Variants in PHC1 observed in about 807,000 individuals in gnomAD.
PHC1 encodes polyhomeotic homolog 1.
Under a neutral mutation model 104.3 loss-of-function variants are expected in PHC1, and 12 were observed. That is an observed-to-expected ratio of 0.12 (90% CI 0.07 to 0.19). The LOEUF (loss-of-function observed/expected upper bound fraction) is 0.19, where lower values mean the gene tolerates loss of function less well. Among genes scored for constraint, PHC1 ranks in the 10% least tolerant of loss-of-function variants. The pLI is 1.00. For missense variants in PHC1, 671 were observed against 1,200.0 expected, an observed-to-expected ratio of 0.56 and a Z score of 6.51; for synonymous variants, 302 against 455.8, an observed-to-expected ratio of 0.66 and a Z score of 4.30.
chr12:8,922,821 A>C, intron 6 of PHC1, 33 bp downstream of exon 6: 1 of 1,602,554 alleles, frequency 6.2e-7, no homozygotes, highest in East Asian at 2.2e-5. Context: ...GTGGGTGGGC[A>C]CTGGGCAGGA....
rs759046954 is a variant in PHC1, at chr12:8,937,234, C to A, written c.2536C>A (p.Gln846Lys). 1.9e-5 allele frequency: 30 copies of A among 1,613,310 alleles called. No individual in the cohort carries two copies. Among genetic ancestry groups the A allele is most frequent in the Non-Finnish European group, 1.7e-6 (2 of 1,179,560 alleles). The change falls in exon 13 of 15, where the codon CAA (glutamine) becomes AAA (lysine). Residue 846 changes from glutamine to lysine, a missense_variant. This residue lies in a region of PHC1 where 192 missense variants were observed against 280.5 expected (regional missense o/e 0.68). Coordinates refer to ENST00000544916, the MANE Select transcript of PHC1 (RefSeq NM_004426.3). ...GAAGAGGAAAAAAATGAAAGAGTTT[C>A]AAGAAGCCAACTATGCTCGCGTTCG... is the stretch of plus-strand genomic sequence containing the variant. The part of the protein sequence containing the change: ...RLKRKKMKEF[Q>K]EANYARVRRR...
intron 14 of PHC1, 55 bp from the exon 15 acceptor site, chr12:8,939,250 G>C: frequency 1.9e-6 from 3 of 1,603,796 alleles, no homozygotes; most frequent in Non-Finnish European, 2.6e-6. Context: ...GTTTCATTTA[G>C]CTTCCCTTCT....
intron 1 of PHC1, chr12:8,916,214 AG>A (rs982925582): frequency 6.9e-6 from 1 of 145,932 alleles, no homozygotes; most frequent in East Asian, 1.9e-4. Context: ...ATGAAACTAA[AG>A]ACTGGGGGGG....
intron 6 of PHC1, among the ~76,000 whole-genome samples, chr12:8,928,068 G>C (rs1180036540): frequency 6.6e-6 from 1 of 151,790 alleles, no homozygotes; most frequent in African/African-American, 2.4e-5. Context: ...ACTATGCCCA[G>C]CTAATGTTTT....
chr12:8,917,568 TAAC>T, intron 1 of PHC1, 59 bp from the exon 2 acceptor site: 1 of 506,542 alleles, frequency 2.0e-6, no homozygotes, highest in Non-Finnish European at 3.5e-6. Context: ...TTTTGAATAA[TAAC>T]ATGAGATAAC....
At chr12:8,927,093 C>A (rs1484380764) in intron 6 of PHC1, among the ~76,000 whole-genome samples, 1 of 152,074 alleles carries the variant, frequency 6.6e-6, no homozygotes, top group Non-Finnish European at 1.5e-5. Context: ...TGTAGTGTCA[C>A]GAAGGCAAGG....
At chr12:8,934,108 C>A (rs771367036) in intron 9 of PHC1, 96 bp downstream of exon 9, 2 of 1,446,696 alleles carry the variant, frequency 1.4e-6, no homozygotes, top group Admixed American at 1.8e-5. Flanking sequence ...AGAAAATGGG[C>A]CAGAAGTTGG....
At chr12:8,936,398 A>G (rs1476545231) in intron 11 of PHC1, among the ~76,000 whole-genome samples, 2 of 152,106 alleles carry the variant, frequency 1.3e-5, no homozygotes, top group African/African-American at 2.4e-5. Flanking sequence ...TTTTTTTTCC[A>G]AAAGATGATC....
chr12:8,929,271 T>C (rs1945613989), intron 6 of PHC1, among the ~76,000 whole-genome samples: 1 of 152,188 alleles, frequency 6.6e-6, no homozygotes, highest in African/African-American at 2.4e-5. Flanking sequence ...GCCGGAACTG[T>C]GAAGGTGCTA....
At position 8,937,991 on chromosome 12, in the gene PHC1, G is replaced by C. The variant is rs777957154; in HGVS notation, c.2791G>C (p.Val931Leu). The C allele has an allele frequency of 1.2e-5, 20 of 1,607,528 alleles. No homozygotes were observed. Among genetic ancestry groups the C allele is most frequent in the Non-Finnish European group, 1.6e-5 (19 of 1,174,714 alleles). Residue 931 changes from valine (V) to leucine (L), a missense_variant, in exon 14 of 15, where the codon GTG becomes CTG. By Grantham distance (32) the Val-to-Leu change is conservative. Coordinates refer to ENST00000544916, the MANE Select transcript of PHC1 (RefSeq NM_004426.3). ...ACCGGAATTACATGGCATCAACCCT[G>C]TGTTCCTGTCCAGTAATCCCAGCCG... is the stretch of plus-strand genomic sequence containing the variant. ...PTPELHGINPVFLSSNPSRWS... is the reference protein window; with the variant it reads ...PTPELHGINPLFLSSNPSRWS...
chr12:8,919,101 C>G lies in PHC1; in HGVS notation c.115-655C>G, dbSNP rs2137058774. ...TGAGATGGAGTTTCGCTCCTGTTGC[C>G]CAGGCTGCAGTGCAATGGCGCAATC... is the stretch of plus-strand genomic sequence containing the variant. On this transcript the variant is annotated intron_variant, in intron 2 of 14. Transcript: ENST00000544916. The surrounding 1 kb of genome is among the most constrained non-coding windows in gnomAD (Gnocchi z 4.9). 1.3e-5 allele frequency among the ~76,000 whole-genome samples: 2 copies of G among 152,242 alleles called. 1 individual carries two copies. The highest frequency in any genetic ancestry group is 4.1e-4 in the South Asian group (2 of 4,820).
intron 10 of PHC1, 98 bp downstream of exon 10, chr12:8,934,576 A>G: frequency 1.3e-6 from 1 of 766,088 alleles, no homozygotes; most frequent in Admixed American, 2.8e-5. Flanking sequence ...AGAACTATTT[A>G]ATGAAAGAAT....
upstream of PHC1, among the ~76,000 whole-genome samples, chr12:8,914,238 C>G (rs1945129034): frequency 6.6e-6 from 1 of 152,078 alleles, no homozygotes; most frequent in Non-Finnish European, 1.5e-5. Flanking sequence ...CCACTAGAGG[C>G]CAGCACTTTC....
intron 12 of PHC1, 26 bp downstream of exon 12, chr12:8,936,990 C>A: frequency 6.6e-7 from 1 of 1,509,186 alleles, no homozygotes; most frequent in Non-Finnish European, 9.2e-7. Flanking sequence ...TCCTCCTTGC[C>A]CTCAGCACTG....
intron 6 of PHC1, among the ~76,000 whole-genome samples, chr12:8,929,194 C>T (rs954657697): frequency 4.6e-5 from 7 of 152,180 alleles, no homozygotes; most frequent in Non-Finnish European, 2.9e-5. Flanking sequence ...GCTTTATTGG[C>T]TTCCTATAAT....
In PHC1 at chr12:8,919,434, A is replaced by C. The variant is rs1426587739; in HGVS notation, c.115-322A>C. 6.6e-6 allele frequency among the ~76,000 whole-genome samples: 1 copy of C among 152,214 alleles called. No individual in the cohort carries two copies. The highest frequency in any genetic ancestry group is 1.5e-5 in the Non-Finnish European group (1 of 68,028). On this transcript the variant is annotated intron_variant, in intron 2 of 14. Transcript: ENST00000544916. This position sits in a 1 kb window ranked among gnomAD's most constrained non-coding sequence, Gnocchi z 4.9. ...AGCAAGACCCCATCTCTAAAAATAA[A>C]AAAAATTAGCTGGACATGGTGGTGC...
intron 14 of PHC1, among the ~76,000 whole-genome samples, chr12:8,938,460 T>TA (rs397750138): frequency 6.6e-6 from 1 of 151,504 alleles, no homozygotes; most frequent in East Asian, 1.9e-4. Context: ...TTTTTTTTTT[T>TA]AAACAGAGAC....
At chr12:8,932,300 A>C (rs941866632) in intron 7 of PHC1, among the ~76,000 whole-genome samples, 9 of 152,230 alleles carry the variant, frequency 5.9e-5, no homozygotes, top group African/African-American at 1.9e-4. Flanking sequence ...AAGAGACACA[A>C]GAAATTACTC....
chr12:8,925,843 T>A (rs1469187121), intron 6 of PHC1, among the ~76,000 whole-genome samples: 1 of 152,224 alleles, frequency 6.6e-6, no homozygotes, highest in Non-Finnish European at 1.5e-5. Flanking sequence ...AAATACCATG[T>A]TGATTTCCTC....
Sources: allele counts gnomAD v4.1 joint callset (sites outside exome capture counted in the v4.1 genomes callset), GRCh38; gene constraint gnomAD v4.1.1; regional missense constraint gnomAD v4.1.1; non-coding constraint Gnocchi (gnomAD v3.1); transcripts MANE v1.5; gene names NCBI Gene and HGNC (gene_info 2026-07-23, HGNC 2026-07-21).